The following GRM3 variants were observed in gnomAD, a reference collection of about 807,000 sequenced individuals.
GRM3 encodes glutamate metabotropic receptor 3, also known as metabotropic glutamate receptor 3.
GRM3 carries 26 observed loss-of-function variants against 70.5 expected under a neutral mutation model. The observed-to-expected ratio is 0.37, with a 90% CI of 0.27 to 0.51. GRM3 has a LOEUF of 0.51. Among genes scored for constraint, GRM3 ranks in the 20% least tolerant of loss-of-function variants. The pLI is 0.93. For missense variants in GRM3, 859 were observed against 1,123.8 expected, an observed-to-expected ratio of 0.76 and a Z score of 3.37; for synonymous variants, 443 against 434.9, an observed-to-expected ratio of 1.02 and a Z score of -0.23.
intron 1 of GRM3, among the ~76,000 whole-genome samples, chr7:86,742,246 C>A (rs1299862174): frequency 6.6e-6 from 1 of 152,144 alleles, no homozygotes; most frequent in East Asian, 1.9e-4. Flanking sequence ...AAAGAAGCAG[C>A]AGGATCAGGA....
chr7:86,801,071 T>A (rs937244306), intron 3 of GRM3, among the ~76,000 whole-genome samples: 11 of 142,644 alleles, frequency 7.7e-5, no homozygotes, highest in Admixed American at 7.6e-4. Context: ...CTTCTTTTTT[T>A]TTTTTTTTTT....
chr7:86,694,292 G>A (rs551342152), intron 1 of GRM3, among the ~76,000 whole-genome samples: 2 of 152,124 alleles, frequency 1.3e-5, no homozygotes, highest in African/African-American at 2.4e-5. Context: ...TTGGGAGGCC[G>A]AGGCGGGCAG....
intron 1 of GRM3, among the ~76,000 whole-genome samples, chr7:86,657,794 T>A (rs1793784741): frequency 6.6e-6 from 1 of 151,764 alleles, no homozygotes; most frequent in South Asian, 2.1e-4. Flanking sequence ...ACACATGGAA[T>A]GAATCTAAAA....
chr7:86,747,766 G>A (rs151295211), intron 1 of GRM3, among the ~76,000 whole-genome samples: 23 of 152,192 alleles, frequency 1.5e-4, no homozygotes, highest in East Asian at 9.7e-4. Flanking sequence ...TTTTATTAAT[G>A]ATTTCTTCAA....
At chr7:86,789,913 G>C (rs773733232) in intron 3 of GRM3, among the ~76,000 whole-genome samples, 4 of 152,206 alleles carry the variant, frequency 2.6e-5, no homozygotes, top group Admixed American at 1.3e-4. Flanking sequence ...TTGCAAAACA[G>C]ATTTTTAGAG....
At chr7:86,656,776 CT>C (rs1285949773) in intron 1 of GRM3, among the ~76,000 whole-genome samples, 3 of 151,878 alleles carry the variant, frequency 2.0e-5, no homozygotes, top group African/African-American at 4.8e-5. Flanking sequence ...TAAAAAATTA[CT>C]TTTTATAACC....
intron 3 of GRM3, among the ~76,000 whole-genome samples, chr7:86,810,401 A>G (rs1049678329): frequency 2.6e-5 from 4 of 151,982 alleles, no homozygotes; most frequent in East Asian, 1.9e-4. Context: ...ATGAATAGTT[A>G]CTGCTTTTAT....
At chr7:86,685,125 TC>T (rs1188771460) in intron 1 of GRM3, among the ~76,000 whole-genome samples, 1 of 152,178 alleles carries the variant, frequency 6.6e-6, no homozygotes, top group Non-Finnish European at 1.5e-5. Flanking sequence ...CAGCATGACT[TC>T]CATCCTCAAT....
At position 86,839,015 on chromosome 7, in the gene GRM3, C is replaced by T. The variant is rs566982395; in HGVS notation, c.1501C>T (p.Arg501Trp). 3.3e-5 allele frequency: 53 copies of T among 1,614,092 alleles called. No individual in the cohort carries two copies. The highest frequency in any genetic ancestry group is 1.2e-4 in the African/African-American group (9 of 75,028). The change falls in exon 4 of 6, where the codon CGG becomes TGG. Residue 501 changes from arginine (R) to tryptophan (W), a missense_variant. Arg to Trp is a moderately radical substitution (Grantham distance 101). Coordinates refer to ENST00000361669, the MANE Select transcript of GRM3 (RefSeq NM_000840.3). The surrounding 1 kb of genome is among the most constrained non-coding windows in gnomAD (Gnocchi z 4.5). ...SLDVNSIHWS[R>W]NSVPTSQCSD... ...AGATGTCAACTCTATCCACTGGTCC[C>T]GGAACTCAGTCCCCACTTCCCAGTG... is the stretch of plus-strand genomic sequence containing the variant.
intron 4 of GRM3, among the ~76,000 whole-genome samples, chr7:86,841,793 T>C (rs549859323): frequency 6.6e-6 from 1 of 152,300 alleles, no homozygotes; most frequent in East Asian, 1.9e-4. Context: ...AATGACTTTC[T>C]TCTTTACATG....
chr7:86,821,506 TTTTAA>T (rs1798119019), intron 3 of GRM3, among the ~76,000 whole-genome samples: 1 of 152,188 alleles, frequency 6.6e-6, no homozygotes, highest in African/African-American at 2.4e-5. Flanking sequence ...GACTAATCAC[TTTTAA>T]TTTAACATTC....
rs149807133 is a variant in GRM3 at position 86,648,050 on chromosome 7, T to C, written c.-141+3178T>C. 3.0e-4 allele frequency among the ~76,000 whole-genome samples: 45 copies of C among 152,368 alleles called. 3 individuals are homozygous for C. Among genetic ancestry groups the C allele is most frequent in the Admixed American group, 2.5e-3 (39 of 15,296 alleles). ...GTTCATCCTCTTGTCTGATTCAGAT[T>C]CTTCATCCAACATTTCTCTAGGACT... is the stretch of plus-strand genomic sequence containing the variant. On this transcript the variant is annotated intron_variant, in intron 1 of 5. Coordinates refer to ENST00000361669, the MANE Select transcript of GRM3 (RefSeq NM_000840.3).
chr7:86,853,776 C>T (rs538816676), intron 5 of GRM3, among the ~76,000 whole-genome samples: 4 of 152,156 alleles, frequency 2.6e-5, no homozygotes, highest in Non-Finnish European at 5.9e-5. Flanking sequence ...TAAAACAATA[C>T]CTCTTTATAT....
rs545135319 is a variant in GRM3 at position 86,826,578 on chromosome 7, G to T, written c.1325-12261G>T. On this transcript the variant is annotated intron_variant, in intron 3 of 5. Coordinates refer to ENST00000361669, the MANE Select transcript of GRM3 (RefSeq NM_000840.3). ...TCAAGGAAGTGTATAAGCTGGAAAT[G>T]ACTATAGTGAGAAAACAAGACTAGG... Among the ~76,000 whole-genome samples, 6 of 152,294 alleles carry T rather than the reference G, an allele frequency of 3.9e-5. No individual in the cohort carries two copies. In the East Asian group the frequency reaches 7.7e-4, roughly 20 times the overall value.
At chr7:86,692,184 C>G (rs1398022032) in intron 1 of GRM3, among the ~76,000 whole-genome samples, 1 of 152,138 alleles carries the variant, frequency 6.6e-6, no homozygotes, top group East Asian at 1.9e-4. Context: ...CACACATAGC[C>G]ATACTTTGGG....
intron 5 of GRM3, among the ~76,000 whole-genome samples, chr7:86,861,519 TA>T (rs1245979207): frequency 2.0e-5 from 3 of 152,172 alleles, no homozygotes; most frequent in African/African-American, 7.2e-5. Context: ...GCTATTATTT[TA>T]AATTAAGTGG....
chr7:86,729,981 C>T (rs898396937), intron 1 of GRM3, among the ~76,000 whole-genome samples: 1 of 151,846 alleles, frequency 6.6e-6, no homozygotes, highest in Non-Finnish European at 1.5e-5. Context: ...GTGGCAGGTG[C>T]CTGTAATCCC....
chr7:86,713,275 T>C (rs951389617), intron 1 of GRM3, among the ~76,000 whole-genome samples: 1 of 152,114 alleles, frequency 6.6e-6, no homozygotes, highest in African/African-American at 2.4e-5. Context: ...TTGTATGTCT[T>C]CTTTTGAGAA....
rs141080077 is a variant in GRM3, at chr7:86,810,629, C to G, written c.1324+23513C>G. Among the ~76,000 whole-genome samples the G allele has an allele frequency of 1.6e-3, 248 of 152,042 alleles. 2 individuals carry two copies. Among genetic ancestry groups the G allele is most frequent in the African/African-American group, 5.6e-3 (234 of 41,516 alleles). ...GCTTTGCATAGAGGTAACTCCAATTCAAGGTAACTTGCATGCAGCCCAAGT... is the reference window on the plus strand; with the variant it reads ...GCTTTGCATAGAGGTAACTCCAATTGAAGGTAACTTGCATGCAGCCCAAGT... On this transcript the variant is annotated intron_variant, in intron 3 of 5. Coordinates refer to ENST00000361669, the MANE Select transcript of GRM3 (RefSeq NM_000840.3).
Sources: allele counts gnomAD v4.1 joint callset (sites outside exome capture counted in the v4.1 genomes callset), GRCh38; gene constraint gnomAD v4.1.1; non-coding constraint Gnocchi (gnomAD v3.1); transcripts MANE v1.5; gene names NCBI Gene and HGNC (gene_info 2026-07-23, HGNC 2026-07-21).